The following AKAIN1 variants were observed in gnomAD, a reference collection of about 807,000 sequenced individuals.
AKAIN1 encodes A-kinase anchor inhibitor 1.
AKAIN1 carries 3 observed loss-of-function variants against 3.7 expected under a neutral mutation model. The ratio of observed to expected loss-of-function variants is 0.82; its 90% CI spans 0.37 to 2.12. The LOEUF is 2.12. Among genes scored for constraint, AKAIN1 ranks in the 30% most tolerant of loss-of-function variants. The pLI is 0.06. For missense variants in AKAIN1, 82 were observed against 82.7 expected, an observed-to-expected ratio of 0.99 and a Z score of 0.03; for synonymous variants, 31 against 30.8, an observed-to-expected ratio of 1.01 and a Z score of -0.02.
intron 1 of AKAIN1, among the ~76,000 whole-genome samples, chr18:5,160,558 A>G (rs2071133570): frequency 6.6e-6 from 1 of 152,094 alleles, no homozygotes; most frequent in Non-Finnish European, 1.5e-5. Context: ...GCAGAAGTTT[A>G]TTTTAATGTA....
rs78175071 is a variant in AKAIN1 at position 5,174,868 on chromosome 18, T to A, written c.16+22170A>T. On this transcript the variant is annotated intron_variant, in intron 1 of 1. Coordinates refer to ENST00000434239, the MANE Select transcript of AKAIN1 (RefSeq NM_001145194.2). ...CTGGCCTCATGTGCAGGCCTCAGAT[T>A]CCCTGCAGAGACAGAATACTAACCT... is the stretch of plus-strand genomic sequence containing the variant. Among the ~76,000 whole-genome samples the A allele has an allele frequency of 1.1e-4, 17 of 152,202 alleles. No individual in the cohort carries two copies. In the East Asian group the frequency reaches 3.3e-3, roughly 30 times the overall value.
intron 1 of AKAIN1, among the ~76,000 whole-genome samples, chr18:5,165,553 A>G (rs547164845): frequency 6.6e-6 from 1 of 152,190 alleles, no homozygotes; most frequent in Non-Finnish European, 1.5e-5. Context: ...GGATTCTAAT[A>G]TGATCACTTG....
At chr18:5,149,106 A>G (rs2071065670) in intron 1 of AKAIN1, among the ~76,000 whole-genome samples, 1 of 152,164 alleles carries the variant, frequency 6.6e-6, no homozygotes, top group Admixed American at 6.5e-5. Context: ...TTGCTCCTAG[A>G]AAAAGTATCT....
chr18:5,146,682 G>A (rs935301706), intron 1 of AKAIN1, among the ~76,000 whole-genome samples: 7 of 152,108 alleles, frequency 4.6e-5, no homozygotes, highest in Admixed American at 3.9e-4. Context: ...TCTAGAGCAG[G>A]GATTGGCAAA....
At chr18:5,175,520 G>A (rs2071221306) in intron 1 of AKAIN1, among the ~76,000 whole-genome samples, 2 of 152,172 alleles carry the variant, frequency 1.3e-5, no homozygotes, top group Admixed American at 1.3e-4. Context: ...GCAAGGGAAT[G>A]GCAGAGAAGT....
chr18:5,151,602 T>G (rs1422968863), intron 1 of AKAIN1, among the ~76,000 whole-genome samples: 1 of 152,182 alleles, frequency 6.6e-6, no homozygotes, highest in Admixed American at 6.5e-5. Context: ...CATTTCTAAG[T>G]CATATTTGAG....
Position 5,178,473 on chromosome 18 carries a change from A to G in AKAIN1, c.16+18565T>C, listed in dbSNP as rs188400601. ...AAGGTGTGTTCTTCAAACCAGGGCTAGGCTTGAGGGGAAAGGCCCCTATAT... is the reference window on the plus strand; with the variant it reads ...AAGGTGTGTTCTTCAAACCAGGGCTGGGCTTGAGGGGAAAGGCCCCTATAT... On this transcript the variant is annotated intron_variant, in intron 1 of 1. Transcript: ENST00000434239. Among the ~76,000 whole-genome samples, 167 of 152,300 alleles carry G rather than the reference A, an allele frequency of 1.1e-3. 1 individual carries two copies. The highest frequency in any genetic ancestry group is 3.7e-3 in the African/African-American group (155 of 41,580).
intron 1 of AKAIN1, among the ~76,000 whole-genome samples, chr18:5,153,002 G>C (rs747546493): frequency 3.3e-5 from 5 of 152,200 alleles, no homozygotes; most frequent in Non-Finnish European, 7.3e-5. Flanking sequence ...ATTAAGGCAA[G>C]AATATGCAAG....
rs377104649 is a variant in AKAIN1 at position 5,175,755 on chromosome 18, T to C, written c.16+21283A>G. Among the ~76,000 whole-genome samples, 117 of 152,310 alleles carry C rather than the reference T, an allele frequency of 7.7e-4. 2 individuals are homozygous for C. In the South Asian group the frequency reaches 0.018, roughly 23 times the overall value. Reference sequence around the variant, plus strand: ...TATGAGTTTAATTTATATTTGAAACTAGTATTGCACAGTATTAAAATGAAT... The same window carrying C: ...TATGAGTTTAATTTATATTTGAAACCAGTATTGCACAGTATTAAAATGAAT... On this transcript the variant is annotated intron_variant, in intron 1 of 1. Coordinates refer to ENST00000434239, the MANE Select transcript of AKAIN1 (RefSeq NM_001145194.2).
Position 5,197,209 on chromosome 18 carries a change from A to G in AKAIN1, c.-156T>C. On this transcript the variant is annotated 5_prime_UTR_variant, in exon 1 of 2. Transcript: ENST00000434239. The surrounding 1 kb of genome is among the most constrained non-coding windows in gnomAD (Gnocchi z 6.9). The stretch of plus-strand genomic sequence containing the variant: ...CACCCCGGACAGCTCCCGCCGCTAG[A>G]TCCTGGGGCCGCAGCTCCAGCCGCC... 8 of 1,398,610 alleles carry G rather than the reference A, an allele frequency of 5.7e-6. No homozygotes were observed. Among genetic ancestry groups the G allele is most frequent in the Non-Finnish European group, 7.4e-6 (8 of 1,085,826 alleles). The allele number at this position is 1,398,610 out of a possible 1,614,324, so 86.6% of individuals were successfully genotyped here.
intron 1 of AKAIN1, among the ~76,000 whole-genome samples, chr18:5,170,332 T>C (rs947764961): frequency 1.3e-5 from 2 of 152,148 alleles, no homozygotes; most frequent in Admixed American, 6.6e-5. Context: ...ATTTATGTGA[T>C]TGCTAACTCT....
intron 1 of AKAIN1, among the ~76,000 whole-genome samples, chr18:5,158,307 G>A (rs892241032): frequency 2.6e-5 from 4 of 152,160 alleles, no homozygotes; most frequent in African/African-American, 9.7e-5. Context: ...TGCAGTGAGA[G>A]TTAAGGCACA....
chr18:5,157,642 C>T (rs563851401), intron 1 of AKAIN1, among the ~76,000 whole-genome samples: 1 of 152,258 alleles, frequency 6.6e-6, no homozygotes, highest in South Asian at 2.1e-4. Context: ...TGTGTGTATG[C>T]ATGACTCGTT....
chr18:5,197,516 A>AAAAAAAAGT, upstream of AKAIN1: 1 of 1,211,932 alleles, frequency 8.3e-7, no homozygotes, highest in Non-Finnish European at 1.0e-6. This position sits in a 1 kb window ranked among gnomAD's most constrained non-coding sequence, Gnocchi z 6.9. Context: ...AAAAAAAAAA[A>AAAAAAAAGT]CTCTAAGAGC....
At chr18:5,147,814 C>G (rs1290813071) in intron 1 of AKAIN1, among the ~76,000 whole-genome samples, 3 of 152,148 alleles carry the variant, frequency 2.0e-5, no homozygotes, top group Non-Finnish European at 4.4e-5. Flanking sequence ...CCAAACTGAG[C>G]AGAGGAGTCT....
At chr18:5,151,981 C>T (rs574015249) in intron 1 of AKAIN1, among the ~76,000 whole-genome samples, 3 of 152,290 alleles carry the variant, frequency 2.0e-5, no homozygotes, top group Middle Eastern at 3.4e-3. Flanking sequence ...CCTATGTGAG[C>T]TTACAATCTA....
intron 1 of AKAIN1, among the ~76,000 whole-genome samples, chr18:5,168,240 T>G (rs1056663517): frequency 6.6e-6 from 1 of 152,114 alleles, no homozygotes; most frequent in African/African-American, 2.4e-5. Flanking sequence ...GAAGGAAACC[T>G]AGTTATAGCA....
chr18:5,153,046 T>C (rs905742771), intron 1 of AKAIN1, among the ~76,000 whole-genome samples: 2 of 152,134 alleles, frequency 1.3e-5, no homozygotes, highest in African/African-American at 4.8e-5. Context: ...AGATGGACTT[T>C]GGAAAGGCCA....
chr18:5,168,778 A>C (rs765773492), intron 1 of AKAIN1, among the ~76,000 whole-genome samples: 6 of 151,770 alleles, frequency 4.0e-5, no homozygotes, highest in African/African-American at 7.3e-5. Flanking sequence ...ATTACCCAAC[A>C]GTGGTCATAA....
Sources: gnomAD v4.1 joint callset for allele counts (sites outside exome capture counted in the v4.1 genomes callset) on GRCh38, gnomAD v4.1.1 for gene constraint, Gnocchi (gnomAD v3.1) non-coding constraint, MANE v1.5 for transcripts, NCBI Gene and HGNC (gene_info 2026-07-23, HGNC 2026-07-21) for gene names.